The following GRIK4 variants were observed in gnomAD, a reference collection of about 807,000 sequenced individuals.
The protein encoded by GRIK4 is glutamate receptor ionotropic, kainate 4.
GRIK4 carries 40 observed loss-of-function variants against 104.9 expected under a neutral mutation model. That is an observed-to-expected ratio of 0.38 (90% CI 0.30 to 0.50). The LOEUF is 0.50. GRIK4 is among the 20% of genes least tolerant of loss of function. The probability of loss-of-function intolerance (pLI) is 0.93; values close to 1 mark genes in which losing one functional copy is unlikely to be tolerated. For missense variants in GRIK4, 1,047 were observed against 1,308.1 expected, an observed-to-expected ratio of 0.80 and a Z score of 3.08; for synonymous variants, 485 against 524.9, an observed-to-expected ratio of 0.92 and a Z score of 1.04.
chr11:120,891,657 A>G lies in GRIK4; in HGVS notation c.1165-6875A>G, dbSNP rs145351503. 2.2e-4 allele frequency among the ~76,000 whole-genome samples: 33 copies of G among 152,338 alleles called. 1 individual carries two copies. Among genetic ancestry groups the G allele is most frequent in the African/African-American group, 7.9e-4 (33 of 41,584 alleles). On this transcript the variant is annotated intron_variant, in intron 11 of 20. Coordinates refer to ENST00000527524, the MANE Select transcript of GRIK4 (RefSeq NM_014619.5). The stretch of plus-strand genomic sequence containing the variant: ...TGCCAGGCTCTAGGGATAAAAGGGC[A>G]GTCAAAGCTGGCCATGATCCCTACT...
chr11:120,708,743 T>TA (rs989013120), intron 3 of GRIK4, among the ~76,000 whole-genome samples: 5 of 152,204 alleles, frequency 3.3e-5, no homozygotes, highest in Non-Finnish European at 7.3e-5. Flanking sequence ...GTCTTCCTGA[T>TA]ACTCTGCTCT....
intron 3 of GRIK4, among the ~76,000 whole-genome samples, chr11:120,669,078 CT>C (rs1949970557): frequency 6.6e-6 from 1 of 152,190 alleles, no homozygotes; most frequent in Admixed American, 6.5e-5. Flanking sequence ...CTTTTAAACC[CT>C]GCTTTAAATT....
intron 1 of GRIK4, among the ~76,000 whole-genome samples, chr11:120,648,403 C>G (rs1266828721): frequency 6.6e-6 from 1 of 152,218 alleles, no homozygotes; most frequent in Non-Finnish European, 1.5e-5. Flanking sequence ...AGAGTTCCTC[C>G]TTCCCTGAGG....
chr11:120,786,192 C>T (rs1018119560), intron 3 of GRIK4, among the ~76,000 whole-genome samples: 1 of 152,194 alleles, frequency 6.6e-6, no homozygotes, highest in Non-Finnish European at 1.5e-5. Flanking sequence ...TCAGCCGCCT[C>T]CCTTCCGGTG....
chr11:120,894,981 G>C (rs1292686230), intron 11 of GRIK4, among the ~76,000 whole-genome samples: 1 of 110,882 alleles, frequency 9.0e-6, no homozygotes, highest in African/African-American at 3.4e-5. Flanking sequence ...TTTCTTGGGG[G>C]CTAATGGGAG....
intron 3 of GRIK4, among the ~76,000 whole-genome samples, chr11:120,677,885 A>C (rs937369142): frequency 6.6e-6 from 1 of 152,230 alleles, no homozygotes; most frequent in Non-Finnish European, 1.5e-5. Flanking sequence ...TACTGTGCCC[A>C]TCACTTCCAT....
At chr11:120,773,155 G>C (rs914177181) in intron 3 of GRIK4, among the ~76,000 whole-genome samples, 3 of 152,148 alleles carry the variant, frequency 2.0e-5, no homozygotes, top group Non-Finnish European at 4.4e-5. Context: ...ATAGAGATTA[G>C]GTAACCTGCA....
At chr11:120,784,035 G>A (rs1248015350) in intron 3 of GRIK4, among the ~76,000 whole-genome samples, 1 of 152,188 alleles carries the variant, frequency 6.6e-6, no homozygotes, top group African/African-American at 2.4e-5. Context: ...CATCCTAGAT[G>A]TGGCCTCCAC....
intron 1 of GRIK4, among the ~76,000 whole-genome samples, chr11:120,613,310 A>C (rs1020131252): frequency 6.6e-6 from 1 of 152,170 alleles, no homozygotes; most frequent in Non-Finnish European, 1.5e-5. Flanking sequence ...ACATGCCCCC[A>C]CAGTGGGACT....
chr11:120,937,941 G>A (rs1943633532), intron 13 of GRIK4, among the ~76,000 whole-genome samples: 3 of 152,178 alleles, frequency 2.0e-5, no homozygotes, highest in African/African-American at 7.2e-5. Context: ...GGATAGAGTT[G>A]TTGACTTTGG....
intron 1 of GRIK4, among the ~76,000 whole-genome samples, chr11:120,567,408 C>T (rs1268337052): frequency 6.6e-6 from 1 of 152,184 alleles, no homozygotes; most frequent in Non-Finnish European, 1.5e-5. Flanking sequence ...ATCCTCCCAC[C>T]TCGGCCTCCC....
At chr11:120,720,978 TATTCATTCATTC>T (rs35714376) in intron 3 of GRIK4, among the ~76,000 whole-genome samples, 33 of 150,726 alleles carry the variant, frequency 2.2e-4, no homozygotes, top group East Asian at 1.2e-3. Context: ...TTCATTCACG[TATTCATTCATTC>T]ATTCATTCAT....
chr11:120,583,541 G>A (rs551083542), intron 1 of GRIK4, among the ~76,000 whole-genome samples: 5 of 151,670 alleles, frequency 3.3e-5, no homozygotes, highest in South Asian at 2.1e-4. Context: ...GTGTAAGGAC[G>A]AGGCTCTCTA....
At chr11:120,621,065 G>C (rs185347525) in intron 1 of GRIK4, among the ~76,000 whole-genome samples, 9 of 152,332 alleles carry the variant, frequency 5.9e-5, no homozygotes, top group Admixed American at 3.3e-4. Context: ...GGGTGGTTCA[G>C]TGCTGAGAAC....
chr11:120,614,801 CA>C (rs1184023087), intron 1 of GRIK4, among the ~76,000 whole-genome samples: 2 of 152,106 alleles, frequency 1.3e-5, no homozygotes, highest in African/African-American at 4.8e-5. Context: ...AGATCGAGAC[CA>C]TCCTGGCTAA....
intron 8 of GRIK4, among the ~76,000 whole-genome samples, chr11:120,840,004 A>G (rs1226706106): frequency 6.6e-6 from 1 of 152,214 alleles, no homozygotes; most frequent in African/African-American, 2.4e-5. Flanking sequence ...GACAGAGGTG[A>G]CTGATGCAAT....
At chr11:120,886,452 T>G (rs750863409) in intron 11 of GRIK4, among the ~76,000 whole-genome samples, 5 of 152,138 alleles carry the variant, frequency 3.3e-5, no homozygotes, top group Non-Finnish European at 5.9e-5. Flanking sequence ...TCTGGCTGAG[T>G]GAGCGTGCTG....
At chr11:120,829,415 G>A (rs1470875602) in intron 6 of GRIK4, among the ~76,000 whole-genome samples, 1 of 152,156 alleles carries the variant, frequency 6.6e-6, no homozygotes. Flanking sequence ...AAACAAAACG[G>A]GGATGTGATT....
At chr11:120,824,825 C>T (rs1003385536) in intron 6 of GRIK4, among the ~76,000 whole-genome samples, 6 of 152,030 alleles carry the variant, frequency 3.9e-5, no homozygotes, top group African/African-American at 1.4e-4. Context: ...GCTGGGATTA[C>T]AGCTATGAGC....
Sources: gnomAD v4.1 joint callset for allele counts (sites outside exome capture counted in the v4.1 genomes callset) on GRCh38, gnomAD v4.1.1 for gene constraint, MANE v1.5 for transcripts, NCBI Gene and HGNC (gene_info 2026-07-23, HGNC 2026-07-21) for gene names.